Variants in CACNA1D observed in about 807,000 individuals in gnomAD.
The protein encoded by CACNA1D is voltage-dependent L-type calcium channel subunit alpha-1D.
Under a neutral mutation model 257.1 loss-of-function variants are expected in CACNA1D, and 55 were observed. That is an observed-to-expected ratio of 0.21 (90% CI 0.17 to 0.27). The LOEUF (loss-of-function observed/expected upper bound fraction) is 0.27, where lower values mean the gene tolerates loss of function less well. Ranked by LOEUF, CACNA1D falls within the 10% of genes least tolerant of loss-of-function variation. CACNA1D has a pLI of 1.00. For missense variants in CACNA1D, 1,876 were observed against 2,784.0 expected, an observed-to-expected ratio of 0.67 and a Z score of 7.34; for synonymous variants, 980 against 1,014.9, an observed-to-expected ratio of 0.97 and a Z score of 0.65.
chr3:53,745,136 T>C (rs2095155268), intron 23 of CACNA1D, among the ~76,000 whole-genome samples: 1 of 152,242 alleles, frequency 6.6e-6, no homozygotes, highest in African/African-American at 2.4e-5. Context: ...AGTTTTCATG[T>C]AGACTGTATA....
At chr3:53,809,343 T>C (rs771062579) in intron 46 of CACNA1D, 34 of 168,006 alleles carry the variant, frequency 2.0e-4, no homozygotes, top group South Asian at 6.2e-4. Flanking sequence ...GATAACAATA[T>C]GGCGCTTTTT....
chr3:53,776,555 G>C, intron 35 of CACNA1D, 48 bp from the exon 36 acceptor site: 1 of 1,612,334 alleles, frequency 6.2e-7, no homozygotes, highest in African/African-American at 1.3e-5. Flanking sequence ...CAGTTCTAAC[G>C]CAATCCAGCT....
intron 7 of CACNA1D, among the ~76,000 whole-genome samples, chr3:53,670,112 T>G (rs2094308547): frequency 6.6e-6 from 1 of 152,176 alleles, no homozygotes; most frequent in African/African-American, 2.4e-5. Flanking sequence ...ACGGAGGTGC[T>G]GGCTGTCAGA....
rs1256413255 is a variant in CACNA1D, at chr3:53,811,359, G to T, written c.6439G>T (p.Asp2147Tyr). The T allele has an allele frequency of 1.3e-6, 2 of 1,593,542 alleles. No individual in the cohort carries two copies. Reference protein sequence around the residue: ...YSDEEPDPGRDEEDLADEMIC... With the variant: ...YSDEEPDPGRYEEDLADEMIC... ...CGACGAAGAGCCAGACCCTGGGAGG[G>T]ATGAGGAGGACCTGGCGGATGAAAT... Residue 2147 changes from aspartate to tyrosine, a missense_variant, in exon 48 of 48, where the codon GAT becomes TAT. Around this residue, in one of 10 missense-constraint regions of CACNA1D, gnomAD observed 491 missense variants for 554.3 expected, o/e 0.89. Transcript: ENST00000350061. The surrounding 1 kb of genome is among the most constrained non-coding windows in gnomAD (Gnocchi z 4.2).
At chr3:53,587,375 C>T (rs1168145048) in intron 3 of CACNA1D, among the ~76,000 whole-genome samples, 1 of 152,086 alleles carries the variant, frequency 6.6e-6, no homozygotes, top group African/African-American at 2.4e-5. Flanking sequence ...GGATTTTGGC[C>T]TGGATGTAAT....
intron 21 of CACNA1D, 87 bp downstream of exon 21, chr3:53,740,426 G>T (rs2095104876): frequency 1.1e-6 from 1 of 889,820 alleles, no homozygotes; most frequent in Non-Finnish European, 1.9e-6. Flanking sequence ...CAGATGCTAG[G>T]TTACGCAGAC....
At chr3:53,741,031 G>C (rs1559605917) in intron 21 of CACNA1D, among the ~76,000 whole-genome samples, 1 of 152,194 alleles carries the variant, frequency 6.6e-6, no homozygotes, top group Admixed American at 6.5e-5. Context: ...CCCTTTGGCC[G>C]GGGTGACCTA....
intron 3 of CACNA1D, among the ~76,000 whole-genome samples, chr3:53,562,095 C>CT: frequency 6.6e-6 from 1 of 152,180 alleles, no homozygotes; most frequent in East Asian, 1.9e-4. Context: ...TGGTCTCTAC[C>CT]TTTAAGGAAC....
intron 8 of CACNA1D, among the ~76,000 whole-genome samples, chr3:53,677,128 G>A (rs1344183439): frequency 6.6e-6 from 1 of 152,152 alleles, no homozygotes; most frequent in African/African-American, 2.4e-5. Flanking sequence ...ATTCCCAGGG[G>A]GACCATGGGG....
intron 20 of CACNA1D, among the ~76,000 whole-genome samples, chr3:53,738,242 A>T (rs2095078306): frequency 6.6e-6 from 1 of 152,206 alleles, no homozygotes; most frequent in African/African-American, 2.4e-5. Context: ...ACCAAGCCTC[A>T]TGCTGTTGCT....
chr3:53,740,445 C>T, intron 21 of CACNA1D, 106 bp downstream of exon 21: 1 of 806,238 alleles, frequency 1.2e-6, no homozygotes, highest in Non-Finnish European at 2.2e-6. Flanking sequence ...ACTATGTCTT[C>T]ACTGGTACTT....
chr3:53,495,906 G>T lies in CACNA1D; in HGVS notation c.67+673G>T, dbSNP rs1329492952. ...GGGCACCACGTGCAGCTTCCACGCCGGCCGGGGCTGGGTCGAGGGAGGATG... is the reference window on the plus strand; with the variant it reads ...GGGCACCACGTGCAGCTTCCACGCCTGCCGGGGCTGGGTCGAGGGAGGATG... On this transcript the variant is annotated intron_variant, in intron 1 of 47. Transcript: ENST00000350061. This position sits in a 1 kb window ranked among gnomAD's most constrained non-coding sequence, Gnocchi z 5.1. 6.6e-6 allele frequency among the ~76,000 whole-genome samples: 1 copy of T among 152,238 alleles called. No homozygotes were observed. Among genetic ancestry groups the T allele is most frequent in the Admixed American group, 6.5e-5 (1 of 15,290 alleles).
At chr3:53,559,533 G>A (rs1164843402) in intron 3 of CACNA1D, among the ~76,000 whole-genome samples, 3 of 152,100 alleles carry the variant, frequency 2.0e-5, no homozygotes, top group Non-Finnish European at 2.9e-5. Context: ...TCTGACTTTG[G>A]TTCAGTTTTC....
intron 3 of CACNA1D, among the ~76,000 whole-genome samples, chr3:53,587,475 A>T (rs550793031): frequency 6.6e-6 from 1 of 152,246 alleles, no homozygotes; most frequent in East Asian, 1.9e-4. Context: ...GGGCAGGAGC[A>T]TGGACTCATT....
In CACNA1D at chr3:53,563,037, A is replaced by G. The variant is rs149146277; in HGVS notation, c.483+61317A>G. On this transcript the variant is annotated intron_variant, in intron 3 of 47. Coordinates refer to ENST00000350061, the MANE Select transcript of CACNA1D (RefSeq NM_001128840.3). ...CCTATATTTAAAGATGGAGGAAATA[A>G]TCTTTTTGTTTTGTTTTGTTTTTTT... Among the ~76,000 whole-genome samples the G allele has an allele frequency of 5.3e-4, 80 of 152,330 alleles. 1 individual carries two copies. In the East Asian group the frequency reaches 0.012, roughly 22 times the overall value.
At chr3:53,737,048 C>T (rs953129193) in intron 20 of CACNA1D, among the ~76,000 whole-genome samples, 2 of 152,164 alleles carry the variant, frequency 1.3e-5, no homozygotes, top group Non-Finnish European at 2.9e-5. Context: ...CCTGTAATCC[C>T]AGCACTTTGG....
rs2095493092 is a variant in CACNA1D, at chr3:53,793,333, T to C, written c.4923+6381T>C. On this transcript the variant is annotated intron_variant, in intron 40 of 47. Transcript: ENST00000350061. This position sits in a 1 kb window ranked among gnomAD's most constrained non-coding sequence, Gnocchi z 4.1. ...GTATCGTCCCTGAAAGGGAAGCCCG[T>C]CAGTCCTGTGGGGGTCCGTCAGTCC... is the stretch of plus-strand genomic sequence containing the variant. Among the ~76,000 whole-genome samples the C allele has an allele frequency of 6.6e-6, 1 of 152,184 alleles. No homozygotes were observed. Among genetic ancestry groups the C allele is most frequent in the South Asian group, 2.1e-4 (1 of 4,826 alleles).
chr3:53,774,457 G>A lies in CACNA1D; in HGVS notation c.4111-130G>A, dbSNP rs896220902. The A allele has an allele frequency of 1.4e-6, 1 of 692,566 alleles. No homozygotes were observed. The highest frequency in any genetic ancestry group is 2.6e-6 in the Non-Finnish European group (1 of 379,280). The allele number at this position is 692,566 out of a possible 1,614,324, so 42.9% of individuals were successfully genotyped here. A position where few individuals can be genotyped will look rare whatever the true frequency, so the allele number is the denominator to read the frequency against. ...TGCCTGGCAGATCTTTTTTGAATGA[G>A]TGAAGTGCCAGGTACCATGAGAAAA... On this transcript the variant is annotated intron_variant, in intron 33 of 47. Transcript: ENST00000350061. This position sits in a 1 kb window ranked among gnomAD's most constrained non-coding sequence, Gnocchi z 4.3.
chr3:53,764,941 C>T (rs761462507), intron 30 of CACNA1D, among the ~76,000 whole-genome samples: 2 of 152,166 alleles, frequency 1.3e-5, no homozygotes, highest in African/African-American at 4.8e-5. Flanking sequence ...CAGATATATT[C>T]CTCAGCCATG....
Sources: gnomAD v4.1 joint callset for allele counts (sites outside exome capture counted in the v4.1 genomes callset) on GRCh38, gnomAD v4.1.1 for gene constraint, gnomAD v4.1.1 regional missense constraint, Gnocchi (gnomAD v3.1) non-coding constraint, MANE v1.5 for transcripts, NCBI Gene and HGNC (gene_info 2026-07-23, HGNC 2026-07-21) for gene names.